Variants in RNF17 observed in about 807,000 individuals in gnomAD.
RNF17 encodes ring finger protein 17, also known as spermatogenesis associated 23.
In RNF17, 31 loss-of-function variants were observed where a neutral mutation model predicts 200.5. The ratio of observed to expected loss-of-function variants is 0.15; its 90% CI spans 0.12 to 0.21. RNF17 has a LOEUF of 0.21. Among genes scored for constraint, RNF17 ranks in the 10% least tolerant of loss-of-function variants. The pLI, the probability that RNF17 is intolerant of heterozygous loss-of-function variation, is 1.00. For missense variants in RNF17, 1,628 were observed against 1,905.1 expected, an observed-to-expected ratio of 0.85 and a Z score of 2.71; for synonymous variants, 606 against 637.8, an observed-to-expected ratio of 0.95 and a Z score of 0.75.
intron 15 of RNF17, among the ~76,000 whole-genome samples, chr13:24,822,971 T>C (rs943903361): frequency 2.0e-5 from 3 of 152,246 alleles, no homozygotes; most frequent in African/African-American, 7.2e-5. Flanking sequence ...TTCATGTTAA[T>C]GTCCTTTCAT....
At chr13:24,830,786 A>G (rs1889300751) in intron 17 of RNF17, among the ~76,000 whole-genome samples, 187 bp downstream of exon 17, 2 of 152,244 alleles carry the variant, frequency 1.3e-5, no homozygotes, top group African/African-American at 4.8e-5. Context: ...AAATAAGCGT[A>G]TTAAACATTA....
chr13:24,857,518 C>T (rs1025577714), intron 25 of RNF17, among the ~76,000 whole-genome samples: 2 of 152,208 alleles, frequency 1.3e-5, no homozygotes, highest in Non-Finnish European at 2.9e-5. Context: ...TTATTTTCCT[C>T]ACCTTGGCAC....
chr13:24,880,967 C>T (rs1036522206), downstream of RNF17, among the ~76,000 whole-genome samples: 5 of 152,040 alleles, frequency 3.3e-5, no homozygotes, highest in Non-Finnish European at 5.9e-5. Context: ...CATTCCGTCA[C>T]TTGTTTATTG....
chr13:24,778,285 T>TA lies in RNF17; in HGVS notation c.318-9dup, dbSNP rs761857011. On this transcript the variant is annotated splice_polypyrimidine_tract_variant and intron_variant, in intron 3 of 35. Coordinates refer to ENST00000255324, the MANE Select transcript of RNF17 (RefSeq NM_031277.3). The stretch of plus-strand genomic sequence containing the variant: ...ACAAAAAATAAAATAATATACTTGA[T>TA]ACTTTTCAGGATAAAGAATTGTTCT... 6.5e-7 allele frequency: 1 copy of TA among 1,534,768 alleles called. No individual in the cohort carries two copies. The highest frequency in any genetic ancestry group is 1.7e-5 in the Admixed American group (1 of 59,058).
intron 5 of RNF17, among the ~76,000 whole-genome samples, chr13:24,780,108 T>A (rs1264180166): frequency 6.6e-6 from 1 of 152,140 alleles, no homozygotes; most frequent in Non-Finnish European, 1.5e-5. Context: ...AGAGACTCTC[T>A]CATTTGGTGA....
At chr13:24,827,916 C>G (rs1479169871) in intron 16 of RNF17, among the ~76,000 whole-genome samples, 1 of 151,748 alleles carries the variant, frequency 6.6e-6, no homozygotes, top group African/African-American at 2.4e-5. Flanking sequence ...TCACCAAGCC[C>G]TTTTATAAGG....
At chr13:24,770,094 A>G (rs1048934479) in intron 2 of RNF17, among the ~76,000 whole-genome samples, 5 of 152,190 alleles carry the variant, frequency 3.3e-5, no homozygotes, top group Admixed American at 1.3e-4. Flanking sequence ...CAATCAATAG[A>G]TAATTCATAT....
Position 24,771,323 on chromosome 13 carries a change from C to CTTTTTTTTTTTTTTTTT in RNF17, c.226-3479_226-3463dup, listed in dbSNP as rs35220494. Reference sequence around the variant, plus strand: ...GGGAGTACCACTGCACACAGATAATCTTTTTTTTTTTTTTTTTTTTTTTTT... The same window carrying CTTTTTTTTTTTTTTTTT: ...GGGAGTACCACTGCACACAGATAATCTTTTTTTTTTTTTTTTTTTTTTTTTTTTTTTTTTTTTTTTTT... On this transcript the variant is annotated intron_variant, in intron 2 of 35. Coordinates refer to ENST00000255324, the MANE Select transcript of RNF17 (RefSeq NM_031277.3). Among the ~76,000 whole-genome samples the CTTTTTTTTTTTTTTTTT allele has an allele frequency of 6.4e-5, 5 of 78,018 alleles. 1 individual carries two copies. Among genetic ancestry groups the CTTTTTTTTTTTTTTTTT allele is most frequent in the African/African-American group, 1.4e-4 (3 of 21,570 alleles). The allele number at this position is 78,018 out of a possible 152,430, so 51.2% of individuals were successfully genotyped here.
rs777004242 is a variant in RNF17 at position 24,793,069 on chromosome 13, A to T, written c.963A>T (p.Arg321Ser). Residue 321 changes from arginine (R) to serine (S), a missense_variant, in exon 10 of 36, where the codon AGA becomes AGT. Around this residue, in one of 5 missense-constraint regions of RNF17, gnomAD observed 502 missense variants for 501.7 expected, o/e 1.00. Coordinates refer to ENST00000255324, the MANE Select transcript of RNF17 (RefSeq NM_031277.3). ...TKCYPQENEI[R>S]QNVQKKYNNK... is the part of the protein sequence containing the mutation. Reference sequence around the variant, plus strand: ...GTTATCCCCAAGAAAATGAAATTAGACAGAATGTTCAAAAGAAATATAATA... The same window carrying T: ...GTTATCCCCAAGAAAATGAAATTAGTCAGAATGTTCAAAAGAAATATAATA... The T allele has an allele frequency of 4.4e-6, 7 of 1,585,470 alleles. No individual in the cohort carries two copies. Among genetic ancestry groups the T allele is most frequent in the Non-Finnish European group, 6.0e-6 (7 of 1,165,840 alleles).
At chr13:24,882,854 T>C (rs1053440111), downstream of RNF17, 10 of 331,758 alleles carry the variant, frequency 3.0e-5, no homozygotes, top group African/African-American at 4.6e-5. Flanking sequence ...ATCTAGGTGA[T>C]GTACTTCCTG....
At chr13:24,884,422 A>G, downstream of RNF17, 1 of 1,614,090 alleles carries the variant, frequency 6.2e-7, no homozygotes. Context: ...TTCCATTGGG[A>G]AACAGTATAA....
At chr13:24,796,104 G>C (rs1566144620) in intron 10 of RNF17, 33 bp from the exon 11 acceptor site, 2 of 1,512,462 alleles carry the variant, frequency 1.3e-6, no homozygotes, top group South Asian at 2.4e-5. Flanking sequence ...CTAACTCATG[G>C]TTTATTAATG....
At position 24,774,895 on chromosome 13, in the gene RNF17, A is replaced by G; in HGVS notation, c.308A>G (p.Gln103Arg). 6.3e-7 allele frequency: 1 copy of G among 1,594,102 alleles called. No individual in the cohort carries two copies. The highest frequency in any genetic ancestry group is 8.6e-7 in the Non-Finnish European group (1 of 1,162,252). ...GAAGACTCCATAATGGAAAAACTGC[A>G]GCCTAAGACGTATGTTCCATGTGTA... ...IKEDSIMEKL[Q>R]PKTIKNCSQD... The change falls in exon 3 of 36, where the codon CAG becomes CGG. Residue 103 changes from glutamine (Q) to arginine (R), a missense_variant. This residue lies in a region of RNF17 where 502 missense variants were observed against 501.7 expected (regional missense o/e 1.00). Transcript: ENST00000255324.
intron 15 of RNF17, among the ~76,000 whole-genome samples, chr13:24,813,276 C>T (rs1390848881): frequency 6.6e-6 from 1 of 152,174 alleles, no homozygotes; most frequent in Non-Finnish European, 1.5e-5. Flanking sequence ...CCTCTAGCCT[C>T]AGCCTCCCAT....
Position 24,845,000 on chromosome 13 carries a change from G to A in RNF17, c.3022G>A (p.Val1008Ile), listed in dbSNP as rs1315653541. 4 of 1,607,546 alleles carry A rather than the reference G, an allele frequency of 2.5e-6. No homozygotes were observed. The highest frequency in any genetic ancestry group is 1.7e-5 in the Admixed American group (1 of 59,980). Residue 1008 changes from valine (V) to isoleucine (I), a missense_variant, in exon 22 of 36, where the codon GTT becomes ATT. By Grantham distance (29) the Val-to-Ile change is conservative. Around this residue, in one of 5 missense-constraint regions of RNF17, gnomAD observed 227 missense variants for 319.8 expected, o/e 0.71. Coordinates refer to ENST00000255324, the MANE Select transcript of RNF17 (RefSeq NM_031277.3). Reference protein sequence around the residue: ...YDVGVELVVNVDCLRKLEENL... With the variant: ...YDVGVELVVNIDCLRKLEENL... ...TGTGGGTGTTGAACTAGTAGTGAAT[G>A]TTGACTGTTTAAGAAAACTTGAAGA...
chr13:24,806,441 G>A (rs955993633), intron 15 of RNF17, among the ~76,000 whole-genome samples: 3 of 152,058 alleles, frequency 2.0e-5, no homozygotes, highest in Non-Finnish European at 4.4e-5. Flanking sequence ...TTGCCACACC[G>A]GTTGAACTAA....
rs536800622 is a variant in RNF17, at chr13:24,765,193, A to T, written c.130+860A>T. ...ACCACGCCCGGCTAATTTTTTGTAT[A>T]TTTAGTAGAGACAGGGTTTCACCGT... is the stretch of plus-strand genomic sequence containing the variant. On this transcript the variant is annotated intron_variant, in intron 1 of 35. Transcript: ENST00000255324. Among the ~76,000 whole-genome samples, 1,428 of 151,812 alleles carry T rather than the reference A, an allele frequency of 9.4e-3. 33 individuals are homozygous for T. The highest frequency in any genetic ancestry group is 0.032 in the African/African-American group (1,337 of 41,370).
At chr13:24,879,141 G>A in intron 34 of RNF17, 46 bp from the exon 35 acceptor site, 1 of 1,429,364 alleles carries the variant, frequency 7.0e-7, no homozygotes, top group Non-Finnish European at 9.9e-7. Context: ...GGAAAAGGCA[G>A]CAAAGACATT....
chr13:24,768,979 CTAACCTCTTCCCTTT>C (rs1295693584), intron 2 of RNF17, among the ~76,000 whole-genome samples: 3 of 142,488 alleles, frequency 2.1e-5, no homozygotes, highest in Non-Finnish European at 4.5e-5. Context: ...TGGGAAATTC[CTAACCTCTTCCCTTT>C]TTTTTTTTTT....
Sources: allele counts gnomAD v4.1 joint callset (sites outside exome capture counted in the v4.1 genomes callset), GRCh38; gene constraint gnomAD v4.1.1; regional missense constraint gnomAD v4.1.1; transcripts MANE v1.5; gene names NCBI Gene and HGNC (gene_info 2026-07-23, HGNC 2026-07-21).